Variants in PCDHGB1 observed in about 807,000 individuals in gnomAD.
PCDHGB1 encodes protocadherin gamma subfamily B, 1.
Under a neutral mutation model 56.6 loss-of-function variants are expected in PCDHGB1, and 34 were observed. The ratio of observed to expected loss-of-function variants is 0.60; its 90% confidence interval spans 0.46 to 0.80. The LOEUF is 0.80. Among genes scored for constraint, PCDHGB1 ranks in the 30% least tolerant of loss-of-function variants. The pLI, the probability that PCDHGB1 is intolerant of heterozygous loss-of-function variation, is 0.00. For synonymous variants in PCDHGB1, 561 were observed against 505.9 expected (o/e 1.11, Z -1.46); for missense variants, 1,278 against 1,204.6 (o/e 1.06, Z -0.90).
rs1185679701 is a variant in PCDHGB1, at chr5:141,511,384, G to A, written c.*211G>A. On this transcript the variant is annotated 3_prime_UTR_variant, in exon 4 of 4. Coordinates refer to ENST00000523390, the MANE Select transcript of PCDHGB1 (RefSeq NM_018922.3). ...TTGAATATGCAAAAGCAGTTCCGCT[G>A]GGAACCCCCATCCAATCAACTGCTG... is the stretch of plus-strand genomic sequence containing the variant. 3.5e-6 allele frequency: 4 copies of A among 1,154,490 alleles called. No homozygotes were observed. Among genetic ancestry groups the A allele is most frequent in the Admixed American group, 2.9e-5 (1 of 34,748 alleles). 71.5% of individuals were successfully genotyped at this position (1,154,490 alleles called of 1,614,324 possible). A position where few individuals can be genotyped will look rare whatever the true frequency, so the allele number is the denominator to read the frequency against.
intron 1 of PCDHGB1, chr5:141,371,148 G>T (rs759466044): frequency 9.9e-6 from 16 of 1,613,892 alleles, no homozygotes; most frequent in South Asian, 4.4e-5. Context: ...GGTCAATGTT[G>T]CAGAGAACCT....
chr5:141,372,084 T>C (rs1169556358), intron 1 of PCDHGB1: 1 of 1,613,714 alleles, frequency 6.2e-7, no homozygotes, highest in South Asian at 1.1e-5. Flanking sequence ...GCTGGTGCTG[T>C]ACCCAGCTCT....
chr5:141,364,478 A>G (rs1225637792), intron 1 of PCDHGB1: 1 of 1,613,934 alleles, frequency 6.2e-7, no homozygotes, highest in Non-Finnish European at 8.5e-7. Context: ...CAACATAGCC[A>G]AGGACCTTGG....
Position 141,485,096 on chromosome 5 carries a change from CCAG to C in PCDHGB1, c.2410-9709_2410-9707del. The C allele has an allele frequency of 8.9e-7, 1 of 1,125,684 alleles. No homozygotes were observed. The highest frequency in any genetic ancestry group is 1.3e-6 in the Non-Finnish European group (1 of 759,466). 69.7% of individuals were successfully genotyped at this position (1,125,684 alleles called of 1,614,324 possible). A position where few individuals can be genotyped will look rare whatever the true frequency, so the allele number is the denominator to read the frequency against. ...CGCGGGGAAAGGGAGATAGGTGTCTCCAGCTGCTGTGGCTGTTTGGGGCGGGTC... is the reference window on the plus strand; with the variant it reads ...CGCGGGGAAAGGGAGATAGGTGTCTCCTGCTGTGGCTGTTTGGGGCGGGTC... On this transcript the variant is annotated intron_variant, in intron 1 of 3. Transcript: ENST00000523390. The surrounding 1 kb of genome is among the most constrained non-coding windows in gnomAD (Gnocchi z 5.7).
chr5:141,481,167 A>C (rs77180710), intron 1 of PCDHGB1, among the ~76,000 whole-genome samples: 2,577 of 152,328 alleles, frequency 0.017, 78 homozygotes, highest in African/African-American at 0.059. Flanking sequence ...GCAGAACCAG[A>C]ATCCAGCTTT....
intron 1 of PCDHGB1, chr5:141,478,158 C>G: frequency 6.2e-7 from 1 of 1,614,054 alleles, no homozygotes; most frequent in Non-Finnish European, 8.5e-7. Flanking sequence ...CCCTCTGGCT[C>G]TGCCCCCCGG....
intron 1 of PCDHGB1, chr5:141,423,905 G>T: frequency 7.9e-7 from 1 of 1,273,594 alleles, no homozygotes; most frequent in Non-Finnish European, 9.9e-7. Flanking sequence ...GATTTCAAAG[G>T]GGCCATTCAA....
chr5:141,404,002 A>T, intron 1 of PCDHGB1: 1 of 1,613,928 alleles, frequency 6.2e-7, no homozygotes, highest in Non-Finnish European at 8.5e-7. Flanking sequence ...TGACCATTAC[A>T]TCTCTGTTTA....
chr5:141,433,651 C>T (rs905489069), intron 1 of PCDHGB1, among the ~76,000 whole-genome samples: 3 of 152,064 alleles, frequency 2.0e-5, no homozygotes, highest in Non-Finnish European at 2.9e-5. Context: ...GCCTGACCAA[C>T]ATGGAGAAAC....
At chr5:141,389,325 C>T (rs368804822) in intron 1 of PCDHGB1, 6 of 1,613,886 alleles carry the variant, frequency 3.7e-6, no homozygotes, top group Admixed American at 3.3e-5. Flanking sequence ...GGACTTGGGG[C>T]CCAACGGCCA....
intron 1 of PCDHGB1, chr5:141,400,256 G>A (rs756430299): frequency 9.9e-6 from 16 of 1,613,986 alleles, no homozygotes; most frequent in Admixed American, 1.7e-5. Context: ...GTTGCCTTGC[G>A]CCTGCGACGC....
At chr5:141,465,742 A>G (rs1425097489) in intron 1 of PCDHGB1, among the ~76,000 whole-genome samples, 1 of 151,214 alleles carries the variant, frequency 6.6e-6, no homozygotes, top group Non-Finnish European at 1.5e-5. Flanking sequence ...TGTTTTCAGG[A>G]TCAGACTGGT....
At position 141,421,681 on chromosome 5, in the gene PCDHGB1, C is replaced by T. The variant is rs750692137; in HGVS notation, c.2409+69012C>T. 4 of 1,613,858 alleles carry T rather than the reference C, an allele frequency of 2.5e-6. No homozygotes were observed. In the South Asian group the frequency reaches 4.4e-5, roughly 18 times the overall value. Reference sequence around the variant, plus strand: ...CAGTGAGCACGCAATTCCTGGGGCGCGATTTGCTCTTCCTAATGCTAGGGA... The same window carrying T: ...CAGTGAGCACGCAATTCCTGGGGCGTGATTTGCTCTTCCTAATGCTAGGGA... On this transcript the variant is annotated intron_variant, in intron 1 of 3. Coordinates refer to ENST00000523390, the MANE Select transcript of PCDHGB1 (RefSeq NM_018922.3).
chr5:141,402,872 T>A, intron 1 of PCDHGB1: 1 of 1,455,372 alleles, frequency 6.9e-7, no homozygotes, highest in Non-Finnish European at 9.1e-7. Flanking sequence ...AAGATCACCA[T>A]ACTTTGCAGG....
chr5:141,350,574 C>A lies in PCDHGB1; in HGVS notation c.314C>A (p.Thr105Lys). ...RKLECALEFETVAENPMNVFH... is the reference protein window; with the variant it reads ...RKLECALEFEKVAENPMNVFH... ...CTTGAGTGTGCACTAGAATTCGAAA[C>A]GGTCGCTGAAAACCCAATGAATGTT... Residue 105 changes from threonine to lysine, a missense_variant, in exon 1 of 4, where the codon ACG (threonine) becomes AAG (lysine). By Grantham distance (78) the Thr-to-Lys change is moderately conservative. Transcript: ENST00000523390. The A allele has an allele frequency of 6.2e-7, 1 of 1,614,004 alleles. No homozygotes were observed. The highest frequency in any genetic ancestry group is 2.2e-5 in the East Asian group (1 of 44,888).
At chr5:141,468,330 C>CAAAAAAAAAAAA (rs533390277) in intron 1 of PCDHGB1, 1 of 79,864 alleles carries the variant, frequency 1.3e-5, no homozygotes, top group African/African-American at 3.9e-5. Context: ...AACTCCATCT[C>CAAAAAAAAAAAA]AAAAAAAAAA....
Position 141,491,889 on chromosome 5 carries a change from C to T in PCDHGB1, c.2410-2918C>T, listed in dbSNP as rs2099734763. On this transcript the variant is annotated intron_variant, in intron 1 of 3. Transcript: ENST00000523390. The surrounding 1 kb of genome is among the most constrained non-coding windows in gnomAD (Gnocchi z 6.9). ...GAGTGGCCGATTAAGGGATGGGGCT[C>T]CGAGCACCGGGGGTGGTGGCGACTG... 11 of 1,441,360 alleles carry T rather than the reference C, an allele frequency of 7.6e-6. No individual in the cohort carries two copies. Among genetic ancestry groups the T allele is most frequent in the Non-Finnish European group, 1.0e-5 (11 of 1,090,600 alleles). 89.3% of individuals were successfully genotyped at this position (1,441,360 alleles called of 1,614,324 possible).
chr5:141,473,079 A>G (rs1389177835), intron 1 of PCDHGB1, among the ~76,000 whole-genome samples: 2 of 152,086 alleles, frequency 1.3e-5, no homozygotes, highest in African/African-American at 4.8e-5. Flanking sequence ...ATCTTTGTTT[A>G]TTATCCACTG....
chr5:141,436,555 G>A (rs562422182), intron 1 of PCDHGB1, among the ~76,000 whole-genome samples: 1 of 152,252 alleles, frequency 6.6e-6, no homozygotes, highest in South Asian at 2.1e-4. Flanking sequence ...TTGAGCTTCA[G>A]CAAAGTAGGA....
Sources: gnomAD v4.1 joint callset for allele counts (sites outside exome capture counted in the v4.1 genomes callset) on GRCh38, gnomAD v4.1.1 for gene constraint, Gnocchi (gnomAD v3.1) non-coding constraint, MANE v1.5 for transcripts, NCBI Gene and HGNC (gene_info 2026-07-23, HGNC 2026-07-21) for gene names.